Variants in SAMD11 observed in about 807,000 individuals in gnomAD.
SAMD11 encodes sterile alpha motif domain-containing protein 11.
SAMD11 carries 77 observed loss-of-function variants against 64.4 expected under a neutral mutation model. That is an observed-to-expected ratio of 1.20 (90% CI 0.99 to 1.44). SAMD11 has a LOEUF of 1.44. SAMD11 is among the 40% of genes most tolerant of loss of function. SAMD11 has a pLI of 0.00. For synonymous variants in SAMD11, 658 were observed against 421.9 expected (o/e 1.56, Z -6.86); for missense variants, 1,402 against 943.3 (o/e 1.49, Z -6.37).
At chr1:930,946 TG>T (rs770805075) in intron 3 of SAMD11, 92 bp from the exon 4 acceptor site, 12 of 1,283,668 alleles carry the variant, frequency 9.3e-6, no homozygotes, top group Non-Finnish European at 1.4e-5. Context: ...AGCGGGGCAC[TG>T]ACCCGAGACA....
chr1:943,703 C>T lies in SAMD11; in HGVS notation c.2184C>T (p.Phe728=), dbSNP rs2100366508. Residue 728 remains phenylalanine, a synonymous_variant, in exon 13 of 14, where the codon TTC becomes TTT. Transcript: ENST00000616016. ...LSGCGEYTRV[F]REQGIDGETL... Reference sequence around the variant, plus strand: ...TCCCTCCCTCCCCCTTCCAGGTCTTCAGGGAGCAGGGGATCGACGGGGAGA... The same window carrying T: ...TCCCTCCCTCCCCCTTCCAGGTCTTTAGGGAGCAGGGGATCGACGGGGAGA... 2 of 1,571,488 alleles carry T rather than the reference C, an allele frequency of 1.3e-6. No individual in the cohort carries two copies. Among genetic ancestry groups the T allele is most frequent in the South Asian group, 1.2e-5 (1 of 86,162 alleles).
rs146050035 is a variant in SAMD11, at chr1:943,974, C to A, written c.2356C>A (p.Pro786Thr). Reference sequence around the variant, plus strand: ...CCCCGTGGCTCTGCCACTGCAGCCACCAACCCTGCGGGCCCCGGAGCGAGA... The same window carrying A: ...CCCCGTGGCTCTGCCACTGCAGCCAACAACCCTGCGGGCCCCGGAGCGAGA... ...SFPVALPLQP[P>T]TLRAPERELG... Residue 786 changes from proline (P) to threonine (T), a missense_variant, in exon 14 of 14, where the codon CCA becomes ACA. Pro to Thr is a conservative substitution (Grantham distance 38). Coordinates refer to ENST00000616016, the MANE Select transcript of SAMD11 (RefSeq NM_001385641.1). 2 of 1,612,716 alleles carry A rather than the reference C, an allele frequency of 1.2e-6. No homozygotes were observed. The highest frequency in any genetic ancestry group is 1.7e-5 in the Admixed American group (1 of 59,998).
intron 5 of SAMD11, among the ~76,000 whole-genome samples, chr1:937,681 C>T (rs942159274): frequency 2.0e-5 from 3 of 152,110 alleles, no homozygotes; most frequent in African/African-American, 7.2e-5. Context: ...TGCCTGGATC[C>T]GTGTGTGGCC....
At chr1:930,978 T>C (rs1641140129) in intron 3 of SAMD11, 61 bp from the exon 4 acceptor site, 17 of 1,546,426 alleles carry the variant, frequency 1.1e-5, no homozygotes, top group Non-Finnish European at 1.5e-5. Flanking sequence ...CGCCCTGCTA[T>C]CCTGAGGCTG....
chr1:929,439 C>T (rs549350885), intron 2 of SAMD11, among the ~76,000 whole-genome samples: 43 of 152,324 alleles, frequency 2.8e-4, no homozygotes, highest in Non-Finnish European at 5.3e-4. Context: ...CTGCAGTCTG[C>T]GAGGGTTCAG....
intron 2 of SAMD11, among the ~76,000 whole-genome samples, chr1:929,104 T>C (rs1394614048): frequency 1.3e-5 from 2 of 152,204 alleles, no homozygotes; most frequent in African/African-American, 2.4e-5. Flanking sequence ...ATAACTTTCC[T>C]TTATCCCTGG....
In SAMD11 at chr1:939,925, C is replaced by T. The variant is rs572609023; in HGVS notation, c.1195+513C>T. ...ACGCCAGCTGGAGGGGCTGCCCCTT[C>T]CCCCGGGTCGGCCCTGACCCTGTCC... On this transcript the variant is annotated intron_variant, in intron 7 of 13. Coordinates refer to ENST00000616016, the MANE Select transcript of SAMD11 (RefSeq NM_001385641.1). Among the ~76,000 whole-genome samples the T allele has an allele frequency of 5.9e-5, 9 of 152,226 alleles. No individual in the cohort carries two copies. In the South Asian group the frequency reaches 1.4e-3, roughly 25 times the overall value.
At chr1:943,663 C>A in intron 12 of SAMD11, 35 bp from the exon 13 acceptor site, 1 of 1,503,926 alleles carries the variant, frequency 6.6e-7, no homozygotes, top group Non-Finnish European at 8.9e-7. Context: ...TGGAGCAGCA[C>A]CCGGGTCCTG....
Position 943,394 on chromosome 1 carries a change from G to C in SAMD11, c.2178+17G>C. 1 of 1,518,784 alleles carries C rather than the reference G, an allele frequency of 6.6e-7. No individual in the cohort carries two copies. The highest frequency in any genetic ancestry group is 2.3e-5 in the East Asian group (1 of 43,526). The allele number at this position is 1,518,784 out of a possible 1,614,324, so 94.1% of individuals were successfully genotyped here. A position where few individuals can be genotyped will look rare whatever the true frequency, so the allele number is the denominator to read the frequency against. On this transcript the variant is annotated intron_variant, in intron 12 of 13. Coordinates refer to ENST00000616016, the MANE Select transcript of SAMD11 (RefSeq NM_001385641.1). ...TACACTCGGGTAAGGGGGGGCCCCA[G>C]TTCCTGGGGCGGGGCTGGAGCTGGC...
intron 3 of SAMD11, among the ~76,000 whole-genome samples, 186 bp downstream of exon 3, chr1:930,522 C>T (rs188452153): frequency 3.9e-4 from 59 of 152,326 alleles, no homozygotes; most frequent in Non-Finnish European, 6.9e-4. Flanking sequence ...TGTCTGGCGT[C>T]CCCTCCCACC....
At chr1:930,476 G>A (rs1446140202) in intron 3 of SAMD11, 140 bp downstream of exon 3, 4 of 980,198 alleles carry the variant, frequency 4.1e-6, no homozygotes, top group African/African-American at 1.7e-5. Flanking sequence ...GGTCCTGTGT[G>A]GGTCGCAGGC....
At chr1:941,347 C>A in intron 8 of SAMD11, 41 bp downstream of exon 8, 1 of 1,475,560 alleles carries the variant, frequency 6.8e-7, no homozygotes. Flanking sequence ...TTCTGGGGTG[C>A]CGCCCGCACC....
rs1365443646 is a variant in SAMD11, at chr1:942,587, CAGA to C, written c.1585_1587del (p.Lys529del). ...GGAGCTGCCCGCCGACCTCCTGCGG[CAGA>C]AGGAGCTGGAGAGCGCGCGCCCACA... On this transcript the variant is annotated inframe_deletion, in exon 11 of 14. Coordinates refer to ENST00000616016, the MANE Select transcript of SAMD11 (RefSeq NM_001385641.1). 18 of 1,419,474 alleles carry C rather than the reference CAGA, an allele frequency of 1.3e-5. No homozygotes were observed. The highest frequency in any genetic ancestry group is 1.5e-5 in the African/African-American group (1 of 66,422). The allele number at this position is 1,419,474 out of a possible 1,614,324, so 87.9% of individuals were successfully genotyped here. A position where few individuals can be genotyped will look rare whatever the true frequency, so the allele number is the denominator to read the frequency against.
intron 5 of SAMD11, among the ~76,000 whole-genome samples, chr1:937,780 C>A (rs888416745): frequency 6.6e-6 from 1 of 152,238 alleles, no homozygotes; most frequent in Non-Finnish European, 1.5e-5. Context: ...GACCCTCTCT[C>A]TGGGGCCGGG....
In SAMD11 at chr1:926,032, T is replaced by C. The variant is rs1640867214; in HGVS notation, c.609+19T>C. ...CCCGGTGGTGAGATGCGGGGCTCGG[T>C]TGGGGCTGGGAGTTACTCTCCCCTG... On this transcript the variant is annotated intron_variant, in intron 2 of 13. Transcript: ENST00000616016. The C allele has an allele frequency of 1.9e-6, 3 of 1,608,780 alleles. No individual in the cohort carries two copies. The highest frequency in any genetic ancestry group is 2.5e-6 in the Non-Finnish European group (3 of 1,179,216).
At chr1:938,162 G>A (rs1641557140) in intron 5 of SAMD11, among the ~76,000 whole-genome samples, 1 of 152,180 alleles carries the variant, frequency 6.6e-6, no homozygotes, top group Non-Finnish European at 1.5e-5. Flanking sequence ...TACATGGATG[G>A]TGTGGTCTGG....
At position 942,208 on chromosome 1, in the gene SAMD11, GC is replaced by G; in HGVS notation, c.1437del (p.Phe480SerfsTer84). Reference sequence around the variant, plus strand: ...ACGTCGCCCTGGGCCCCCATCTCAGGCCCCCCTTCCTGGGGGTGCCCTCGGC... The same window carrying G: ...ACGTCGCCCTGGGCCCCCATCTCAGGCCCCCTTCCTGGGGGTGCCCTCGGC... ...PHVALGPHLR[P>X]PFLGVPSALC... On this transcript the variant is annotated frameshift_variant, in exon 9 of 14. Transcript: ENST00000616016. LOFTEE classifies it high-confidence loss of function. The G allele has an allele frequency of 8.1e-6, 11 of 1,364,756 alleles. No individual in the cohort carries two copies. The highest frequency in any genetic ancestry group is 1.0e-5 in the Non-Finnish European group (11 of 1,053,732). 84.5% of individuals were successfully genotyped at this position (1,364,756 alleles called of 1,614,324 possible). A position where few individuals can be genotyped will look rare whatever the true frequency, so the allele number is the denominator to read the frequency against.
At chr1:933,953 C>A (rs192223047) in intron 4 of SAMD11, among the ~76,000 whole-genome samples, 1 of 151,192 alleles carries the variant, frequency 6.6e-6, no homozygotes, top group African/African-American at 2.5e-5. Flanking sequence ...TAGGTCACTG[C>A]GCAGGACTGC....
chr1:925,496 G>A (rs1405601254), intron 1 of SAMD11, among the ~76,000 whole-genome samples: 1 of 152,118 alleles, frequency 6.6e-6, no homozygotes, highest in Non-Finnish European at 1.5e-5. Flanking sequence ...CAGGCGCCGC[G>A]GGGAGTTAAA....
Sources: gnomAD v4.1 joint callset for allele counts (sites outside exome capture counted in the v4.1 genomes callset) on GRCh38, gnomAD v4.1.1 for gene constraint, MANE v1.5 for transcripts, NCBI Gene and HGNC (gene_info 2026-07-23, HGNC 2026-07-21) for gene names.